SORCS2: variants seen among roughly 807,000 people sequenced by gnomAD.
SORCS2 encodes VPS10 domain-containing receptor SorCS2.
SORCS2 carries 100 observed loss-of-function variants against 141.6 expected under a neutral mutation model. That is an observed-to-expected ratio of 0.71 (90% CI 0.60 to 0.83). SORCS2 has a LOEUF of 0.83. SORCS2 is among the 40% of genes least tolerant of loss of function. The pLI, the probability that SORCS2 is intolerant of heterozygous loss-of-function variation, is 0.00. For synonymous variants in SORCS2, 789 were observed against 676.9 expected, an observed-to-expected ratio of 1.17 and a Z score of -2.57; for missense variants, 1,646 against 1,560.2, an observed-to-expected ratio of 1.05 and a Z score of -0.93.
chr4:7,305,207 A>G (rs1717714097), intron 1 of SORCS2, among the ~76,000 whole-genome samples: 1 of 151,404 alleles, frequency 6.6e-6, no homozygotes, highest in African/African-American at 2.4e-5. Context: ...AATTTTTTGT[A>G]TTTTTAGTAG....
chr4:7,339,535 G>T (rs755954826), intron 1 of SORCS2, among the ~76,000 whole-genome samples: 1 of 152,156 alleles, frequency 6.6e-6, no homozygotes, highest in Non-Finnish European at 1.5e-5. Context: ...GGCGTGCATG[G>T]CCTGTAGATG....
At chr4:7,697,798 G>A (rs12642897) in intron 12 of SORCS2, among the ~76,000 whole-genome samples, 35,287 of 151,430 alleles carry the variant, frequency 0.23, 4,657 homozygotes, top group East Asian at 0.59. Flanking sequence ...TTGTGAGTCT[G>A]GGTTGGGGTG....
intron 1 of SORCS2, among the ~76,000 whole-genome samples, chr4:7,279,683 C>T (rs962711365): frequency 2.0e-5 from 3 of 152,118 alleles, no homozygotes; most frequent in African/African-American, 4.8e-5. Context: ...TGTCCAGCCG[C>T]GGAATTACAG....
At chr4:7,346,646 T>A (rs1720668088) in intron 1 of SORCS2, among the ~76,000 whole-genome samples, 1 of 152,258 alleles carries the variant, frequency 6.6e-6, no homozygotes. Context: ...AGTCTTCAAC[T>A]GCAGATGTAG....
chr4:7,545,133 G>A (rs1341991607), intron 3 of SORCS2, among the ~76,000 whole-genome samples: 1 of 59,494 alleles, frequency 1.7e-5, no homozygotes, highest in African/African-American at 5.4e-5. Context: ...TTGTAGGAGA[G>A]GAGGGAAAAG....
chr4:7,518,341 C>G lies in SORCS2; in HGVS notation c.549-13189C>G, dbSNP rs376931855. ...CTCTGGTCTGTAACTTGGCGGCTCA[C>G]ACGCACCCTCTTTGGGCTTCTCCAG... On this transcript the variant is annotated intron_variant, in intron 2 of 26. Coordinates refer to ENST00000507866, the MANE Select transcript of SORCS2 (RefSeq NM_020777.3). Among the ~76,000 whole-genome samples, 5 of 152,280 alleles carry G rather than the reference C, an allele frequency of 3.3e-5. No individual in the cohort carries two copies. The East Asian group carries it at 5.8e-4, about 18-fold the overall frequency.
At chr4:7,320,969 G>T (rs1465633206) in intron 1 of SORCS2, among the ~76,000 whole-genome samples, 1 of 151,064 alleles carries the variant, frequency 6.6e-6, no homozygotes, top group Non-Finnish European at 1.5e-5. Flanking sequence ...GCTTTTGGGG[G>T]TATAAGTGGT....
At chr4:7,504,877 G>A (rs1283704084) in intron 2 of SORCS2, among the ~76,000 whole-genome samples, 1 of 152,208 alleles carries the variant, frequency 6.6e-6, no homozygotes, top group Admixed American at 6.5e-5. Context: ...AAGGTCCATG[G>A]TGAGCAGAGA....
chr4:7,602,514 G>C, intron 3 of SORCS2, among the ~76,000 whole-genome samples: 1 of 146,928 alleles, frequency 6.8e-6, no homozygotes, highest in East Asian at 2.0e-4. Context: ...CATCTCAGAC[G>C]ATGGGCGGCC....
At chr4:7,626,083 G>GAGA in intron 3 of SORCS2, among the ~76,000 whole-genome samples, 1 of 152,194 alleles carries the variant, frequency 6.6e-6, no homozygotes, top group Non-Finnish European at 1.5e-5. Flanking sequence ...GGAGGCAGAG[G>GAGA]CTGCAGTGAG....
At chr4:7,638,994 A>C (rs974838511) in intron 4 of SORCS2, among the ~76,000 whole-genome samples, 4 of 152,004 alleles carry the variant, frequency 2.6e-5, no homozygotes, top group Non-Finnish European at 5.9e-5. Context: ...CAGGGAACTG[A>C]GGCTTTGTCC....
chr4:7,527,467 C>G (rs35061296), intron 2 of SORCS2, among the ~76,000 whole-genome samples: 69,206 of 151,510 alleles, frequency 0.46, 17,391 homozygotes, highest in East Asian at 0.89. Flanking sequence ...CTGCAGTGGG[C>G]CTCGGGGCCT....
chr4:7,703,976 G>C (rs994692643), intron 13 of SORCS2, among the ~76,000 whole-genome samples: 4 of 152,196 alleles, frequency 2.6e-5, no homozygotes, highest in African/African-American at 9.7e-5. Context: ...ACACCCCCAG[G>C]GCAGTACAAT....
intron 2 of SORCS2, among the ~76,000 whole-genome samples, chr4:7,522,594 A>G (rs1341871870): frequency 2.0e-5 from 3 of 150,190 alleles, no homozygotes; most frequent in African/African-American, 7.4e-5. Flanking sequence ...CTGTCGTCCT[A>G]CTCCTCTCCT....
chr4:7,630,935 C>G (rs981438356), intron 3 of SORCS2, among the ~76,000 whole-genome samples: 1 of 152,070 alleles, frequency 6.6e-6, no homozygotes, highest in African/African-American at 2.4e-5. Context: ...ATAAAAGCAT[C>G]CTCCCCAGGA....
At chr4:7,507,142 G>C (rs1176923595) in intron 2 of SORCS2, among the ~76,000 whole-genome samples, 1 of 147,832 alleles carries the variant, frequency 6.8e-6, no homozygotes, top group East Asian at 1.9e-4. Flanking sequence ...ATATTTACAT[G>C]TATAAAAATG....
chr4:7,601,976 C>T (rs969459733), intron 3 of SORCS2, among the ~76,000 whole-genome samples: 3 of 152,158 alleles, frequency 2.0e-5, no homozygotes, highest in South Asian at 4.1e-4. Flanking sequence ...TCAGAGAGCA[C>T]GGGGTTGGGG....
chr4:7,710,562 C>T (rs865966893), intron 14 of SORCS2, among the ~76,000 whole-genome samples: 1 of 152,182 alleles, frequency 6.6e-6, no homozygotes, highest in African/African-American at 2.4e-5. Context: ...ACCAATGCCC[C>T]AGGCATTGTT....
chr4:7,474,243 G>T (rs1730152228), intron 2 of SORCS2, among the ~76,000 whole-genome samples: 1 of 152,220 alleles, frequency 6.6e-6, no homozygotes, highest in South Asian at 2.1e-4. Context: ...TTGAAAATGG[G>T]TTGGAGGCAA....
Sources: gnomAD v4.1 joint callset for allele counts (sites outside exome capture counted in the v4.1 genomes callset) on GRCh38, gnomAD v4.1.1 for gene constraint, MANE v1.5 for transcripts, NCBI Gene and HGNC (gene_info 2026-07-23, HGNC 2026-07-21) for gene names.